CTTNBP2: variants seen among roughly 807,000 people sequenced by gnomAD.
The protein encoded by CTTNBP2 is cortactin-binding protein 2.
In CTTNBP2, 108 loss-of-function variants were observed where a neutral mutation model predicts 156.9. The observed-to-expected ratio is 0.69, with a 90% CI of 0.59 to 0.81. CTTNBP2 has a LOEUF of 0.81. Ranked by LOEUF, CTTNBP2 falls within the 30% of genes least tolerant of loss-of-function variation. The probability of loss-of-function intolerance (pLI) is 0.00; values close to 1 mark genes in which losing one functional copy is unlikely to be tolerated. For missense variants in CTTNBP2, 1,924 were observed against 2,035.4 expected (o/e 0.95, Z 1.05); for synonymous variants, 767 against 751.8 (o/e 1.02, Z -0.33).
intron 3 of CTTNBP2, among the ~76,000 whole-genome samples, chr7:117,803,301 A>G (rs1167514273): frequency 6.6e-6 from 1 of 152,194 alleles, no homozygotes; most frequent in Non-Finnish European, 1.5e-5. Context: ...ACAGAAAACC[A>G]AATACCACAA....
intron 2 of CTTNBP2, among the ~76,000 whole-genome samples, chr7:117,830,571 T>C (rs1258326161): frequency 6.6e-6 from 1 of 152,158 alleles, no homozygotes; most frequent in Admixed American, 6.6e-5. Flanking sequence ...AAGTAAAGAA[T>C]TAGAAAGCCA....
intron 3 of CTTNBP2, among the ~76,000 whole-genome samples, chr7:117,802,873 CA>C (rs888009734): frequency 6.6e-6 from 1 of 151,894 alleles, no homozygotes; most frequent in Non-Finnish European, 1.5e-5. Flanking sequence ...AATAAAAAGT[CA>C]AAAAAATAAT....
intron 2 of CTTNBP2, among the ~76,000 whole-genome samples, chr7:117,817,333 C>CAAAA (rs1165563266): frequency 2.9e-4 from 8 of 27,202 alleles, no homozygotes; most frequent in South Asian, 2.6e-3. Flanking sequence ...GACTCCATCT[C>CAAAA]AAAAAAAAAA....
chr7:117,790,772 C>T (rs367741305), intron 4 of CTTNBP2, among the ~76,000 whole-genome samples: 71 of 152,156 alleles, frequency 4.7e-4, no homozygotes, highest in South Asian at 4.4e-3. Context: ...TGATCATGAC[C>T]CACTGAGGTC....
In CTTNBP2 at chr7:117,720,471, G is replaced by A. The variant is rs149797198; in HGVS notation, c.4511+596C>T. Among the ~76,000 whole-genome samples the A allele has an allele frequency of 1.9e-3, 290 of 152,214 alleles. 1 individual carries two copies. Among genetic ancestry groups the A allele is most frequent in the African/African-American group, 6.7e-3 (278 of 41,526 alleles). ...AGCACTTTGGGAGGCCTAGGCAGAT[G>A]GATCACAAGGTCAGGAGTTCGAAAC... On this transcript the variant is annotated intron_variant, in intron 20 of 22. Transcript: ENST00000160373.
intron 3 of CTTNBP2, among the ~76,000 whole-genome samples, chr7:117,809,604 C>A (rs993945826): frequency 6.6e-6 from 1 of 152,092 alleles, no homozygotes; most frequent in Admixed American, 6.5e-5. Context: ...TATGGAAAGC[C>A]TTCTATTTTT....
intron 15 of CTTNBP2, 53 bp from the exon 16 acceptor site, chr7:117,735,153 C>T: frequency 1.3e-6 from 2 of 1,590,766 alleles, no homozygotes; most frequent in Non-Finnish European, 1.7e-6. Flanking sequence ...TGTTATGGGA[C>T]AGATTCAAAT....
At chr7:117,753,358 T>C (rs546291726) in intron 12 of CTTNBP2, among the ~76,000 whole-genome samples, 1 of 152,304 alleles carries the variant, frequency 6.6e-6, no homozygotes, top group South Asian at 2.1e-4. Flanking sequence ...TCCTCATTTC[T>C]TTCTAGAGGC....
intron 14 of CTTNBP2, among the ~76,000 whole-genome samples, chr7:117,736,167 A>G (rs559860557): frequency 1.3e-5 from 2 of 152,340 alleles, no homozygotes; most frequent in Admixed American, 6.5e-5. Context: ...AAGATTATGT[A>G]GACAGGGCCA....
chr7:117,835,613 T>A (rs1337708027), intron 2 of CTTNBP2, among the ~76,000 whole-genome samples: 1 of 152,244 alleles, frequency 6.6e-6, no homozygotes, highest in East Asian at 1.9e-4. Context: ...ACCAAACCTA[T>A]ACTGGTTCAG....
chr7:117,745,011 GCTTTCAGCC>G (rs1796245367), intron 14 of CTTNBP2, among the ~76,000 whole-genome samples: 3 of 152,144 alleles, frequency 2.0e-5, no homozygotes, highest in Admixed American at 2.0e-4. Flanking sequence ...GGTCTCTGTG[GCTTTCAGCC>G]CTAGGAGACT....
intron 9 of CTTNBP2, among the ~76,000 whole-genome samples, chr7:117,766,215 G>A (rs1353856419): frequency 6.6e-6 from 1 of 152,056 alleles, no homozygotes; most frequent in Non-Finnish European, 1.5e-5. Context: ...ACTGAGCAGC[G>A]ATTCAAAAGT....
chr7:117,733,331 AAAGAGAGTGAACCTG>A (rs1795507096), intron 16 of CTTNBP2, among the ~76,000 whole-genome samples: 1 of 152,210 alleles, frequency 6.6e-6, no homozygotes, highest in Non-Finnish European at 1.5e-5. Context: ...ACGCAATGGA[AAAGAGAGTGAACCTG>A]AAGCTTGGAA....
intron 22 of CTTNBP2, among the ~76,000 whole-genome samples, chr7:117,717,008 C>A (rs79806421): frequency 1.5e-3 from 1 of 650 alleles, no homozygotes; most frequent in Admixed American, 0.012. Context: ...CCCAAGGTGG[C>A]TTACAATCAA....
intron 2 of CTTNBP2, among the ~76,000 whole-genome samples, chr7:117,814,405 A>G (rs1057078736): frequency 6.6e-6 from 1 of 152,178 alleles, no homozygotes; most frequent in Non-Finnish European, 1.5e-5. Flanking sequence ...CAATACATGT[A>G]CAGGTTCATA....
intron 2 of CTTNBP2, among the ~76,000 whole-genome samples, chr7:117,818,547 C>G (rs1192667082): frequency 6.6e-6 from 1 of 152,136 alleles, no homozygotes; most frequent in Non-Finnish European, 1.5e-5. Flanking sequence ...GATATTGAAC[C>G]ACCAAGCCAT....
chr7:117,779,886 T>C (rs1798314210), intron 7 of CTTNBP2, among the ~76,000 whole-genome samples: 1 of 152,066 alleles, frequency 6.6e-6, no homozygotes, highest in African/African-American at 2.4e-5. Flanking sequence ...TCAGCCTCCC[T>C]AGTAGCTGGG....
intron 1 of CTTNBP2, among the ~76,000 whole-genome samples, chr7:117,869,397 T>C (rs1251226703): frequency 6.6e-6 from 1 of 152,222 alleles, no homozygotes; most frequent in Non-Finnish European, 1.5e-5. Context: ...TCTTTTCATT[T>C]TCTTCATTCA....
intron 18 of CTTNBP2, 125 bp from the exon 19 acceptor site, chr7:117,724,857 T>C (rs1316412395): frequency 2.5e-6 from 3 of 1,220,548 alleles, no homozygotes; most frequent in Non-Finnish European, 3.4e-6. Context: ...AGCTGGGGTT[T>C]TGTGAACCAG....
Sources: gnomAD v4.1 joint callset for allele counts (sites outside exome capture counted in the v4.1 genomes callset) on GRCh38, gnomAD v4.1.1 for gene constraint, MANE v1.5 for transcripts, NCBI Gene and HGNC (gene_info 2026-07-23, HGNC 2026-07-21) for gene names.